MARK2: variants seen among roughly 807,000 people sequenced by gnomAD.
MARK2 encodes the protein microtubule affinity regulating kinase 2.
A neutral mutation model predicts 89.8 loss-of-function variants in MARK2; 16 were observed. That is an observed-to-expected ratio of 0.18 (90% CI 0.12 to 0.27). The LOEUF is 0.27. Ranked by LOEUF, MARK2 falls within the 10% of genes least tolerant of loss-of-function variation. MARK2 has a pLI of 1.00. For synonymous variants in MARK2, 382 were observed against 399.5 expected (o/e 0.96, Z 0.52); for missense variants, 621 against 1,049.9 (o/e 0.59, Z 5.65).
intron 1 of MARK2, among the ~76,000 whole-genome samples, chr11:63,865,532 T>C (rs1938081506): frequency 6.6e-6 from 1 of 152,190 alleles, no homozygotes; most frequent in African/African-American, 2.4e-5. Context: ...TGCTATTCAC[T>C]CAGGTGTTCT....
intron 1 of MARK2, among the ~76,000 whole-genome samples, chr11:63,891,837 A>C (rs968939658): frequency 6.6e-5 from 10 of 152,202 alleles, no homozygotes; most frequent in Admixed American, 4.6e-4. Context: ...AGAAAAAGGT[A>C]GCCTGAGGAG....
At chr11:63,877,558 G>A (rs938077315) in intron 1 of MARK2, among the ~76,000 whole-genome samples, 41 of 152,016 alleles carry the variant, frequency 2.7e-4, no homozygotes, top group African/African-American at 8.9e-4. Context: ...AATTAGTTGG[G>A]CATGGTGGTG....
intron 1 of MARK2, among the ~76,000 whole-genome samples, chr11:63,847,781 G>A (rs2016355794): frequency 6.6e-6 from 1 of 151,806 alleles, no homozygotes; most frequent in Non-Finnish European, 1.5e-5. Flanking sequence ...CTCCTTTTTT[G>A]GACTCCCTTC....
chr11:63,907,030 C>A (rs1414523410), intron 17 of MARK2, among the ~76,000 whole-genome samples: 1 of 152,134 alleles, frequency 6.6e-6, no homozygotes, highest in East Asian at 1.9e-4. Context: ...AGTCCCCTTC[C>A]TGGCTCTTTC....
chr11:63,860,937 G>T (rs947157351), intron 1 of MARK2, among the ~76,000 whole-genome samples: 1 of 151,856 alleles, frequency 6.6e-6, no homozygotes, highest in Non-Finnish European at 1.5e-5. Context: ...TTTTAAAACT[G>T]TTTAATCAAG....
intron 1 of MARK2, among the ~76,000 whole-genome samples, chr11:63,850,315 A>ATTTTTTTTTTTTT (rs34074167): frequency 2.9e-3 from 276 of 95,760 alleles, no homozygotes; most frequent in Middle Eastern, 0.015. Flanking sequence ...TACCTGGCTA[A>ATTTTTTTTTTTTT]TTTTTTTTTT....
chr11:63,843,505 A>C (rs911409646), intron 1 of MARK2, among the ~76,000 whole-genome samples: 5 of 152,250 alleles, frequency 3.3e-5, no homozygotes, highest in Admixed American at 2.6e-4. Flanking sequence ...TAGGAAGGGG[A>C]GTTTAGAAGT....
At position 63,908,342 on chromosome 11, in the gene MARK2, C is replaced by T. The variant is rs1432418447; in HGVS notation, c.2006+38C>T. On this transcript the variant is annotated intron_variant, in intron 18 of 18. Coordinates refer to ENST00000402010, the MANE Select transcript of MARK2 (RefSeq NM_001039469.3). ...GAGCCAGCACTGGCCCTGCCCGGGC[C>T]ACCGGGCTTGCCACAGCCTCCTGCT... The T allele has an allele frequency of 5.9e-6, 9 of 1,527,534 alleles. No homozygotes were observed. The South Asian group carries it at 8.4e-5, about 14-fold the overall frequency. 94.6% of individuals were successfully genotyped at this position (1,527,534 alleles called of 1,614,324 possible).
intron 1 of MARK2, among the ~76,000 whole-genome samples, chr11:63,854,377 TG>T (rs1248300671): frequency 6.7e-6 from 1 of 148,448 alleles, no homozygotes; most frequent in Admixed American, 6.7e-5. Flanking sequence ...TTTTTCTATT[TG>T]TTTTTTTTTT....
intron 3 of MARK2, among the ~76,000 whole-genome samples, chr11:63,897,385 C>T (rs1306731640): frequency 5.9e-5 from 9 of 152,152 alleles, no homozygotes; most frequent in Non-Finnish European, 1.2e-4. Flanking sequence ...TCTTCTTTTC[C>T]TTTCTAGCTT....
intron 1 of MARK2, among the ~76,000 whole-genome samples, chr11:63,860,861 GAAAAAA>G (rs770957452): frequency 1.4e-5 from 2 of 141,846 alleles, no homozygotes; most frequent in Admixed American, 7.0e-5. Context: ...CCATCTCAAT[GAAAAAA>G]AAAAACAAAA....
At chr11:63,847,143 GTCCCTGTGGTGGTTCTTTC>G (rs2135200015) in intron 1 of MARK2, among the ~76,000 whole-genome samples, 1 of 152,308 alleles carries the variant, frequency 6.6e-6, no homozygotes, top group East Asian at 1.9e-4. Flanking sequence ...AGGTTTGTCA[GTCCCTGTGGTGGTTCTTTC>G]CGCAGATGTC....
rs1941606121 is a variant in MARK2 at position 63,909,397 on chromosome 11, G to GT, written c.*161dup. On this transcript the variant is annotated 3_prime_UTR_variant, in exon 19 of 19. Coordinates refer to ENST00000402010, the MANE Select transcript of MARK2 (RefSeq NM_001039469.3). The stretch of plus-strand genomic sequence containing the variant: ...CTTCTCAGTTTTCTCTTACATGTTT[G>GT]TGGGGGGTGGGAGATTGTTCTCCAG... The GT allele has an allele frequency of 1.4e-6, 1 of 708,226 alleles. No individual in the cohort carries two copies. The highest frequency in any genetic ancestry group is 2.2e-6 in the Non-Finnish European group (1 of 459,270). 43.9% of individuals were successfully genotyped at this position (708,226 alleles called of 1,614,324 possible). A position where few individuals can be genotyped will look rare whatever the true frequency, so the allele number is the denominator to read the frequency against.
chr11:63,864,746 C>T (rs577962040), intron 1 of MARK2, among the ~76,000 whole-genome samples: 1 of 150,916 alleles, frequency 6.6e-6, no homozygotes, highest in Non-Finnish European at 1.5e-5. Context: ...GTCGGTGGCT[C>T]ACAGCTGTAT....
Position 63,895,211 on chromosome 11 carries a change from G to A in MARK2, c.107G>A (p.Arg36Gln), listed in dbSNP as rs779959531. 5 of 1,614,098 alleles carry A rather than the reference G, an allele frequency of 3.1e-6. No individual in the cohort carries two copies. In the South Asian group the frequency reaches 3.3e-5, roughly 11 times the overall value. The change falls in exon 2 of 19, where the codon CGG becomes CAG. Residue 36 changes from arginine (R) to glutamine (Q), a missense_variant. Coordinates refer to ENST00000402010, the MANE Select transcript of MARK2 (RefSeq NM_001039469.3). ...SKPSSKSNMI[R>Q]GRNSATSADE... is the part of the protein sequence containing the mutation. ...CCCAGCAGTAAGTCCAACATGATTC[G>A]GGGCCGCAACTCAGCCACCTCTGCT...
At position 63,905,023 on chromosome 11, in the gene MARK2, C is replaced by A. The variant is rs768588454; in HGVS notation, c.1914C>A (p.Phe638Leu). The change falls in exon 16 of 19, where the codon TTC (phenylalanine) becomes TTA (leucine). Residue 638 changes from phenylalanine (F) to leucine (L), a missense_variant. By Grantham distance (22) the Phe-to-Leu change is conservative (BLOSUM62 0). Transcript: ENST00000402010. Reference protein sequence around the residue: ...RGASGSIFSKFTSKFVRRNLS... With the variant: ...RGASGSIFSKLTSKFVRRNLS... ...CCTCTGGGAGCATCTTCAGCAAGTT[C>A]ACCTCCAAGTTTGTACGCAGGTAAG... 34 of 1,611,646 alleles carry A rather than the reference C, an allele frequency of 2.1e-5. 1 individual carries two copies. The South Asian group carries it at 3.5e-4, about 17-fold the overall frequency.
chr11:63,869,116 T>C (rs1163039448), intron 1 of MARK2, among the ~76,000 whole-genome samples: 1 of 152,140 alleles, frequency 6.6e-6, no homozygotes, highest in South Asian at 2.1e-4. Context: ...AATCTCCTTT[T>C]ATTGAACTGG....
In MARK2 at chr11:63,900,219, T is replaced by G; in HGVS notation, c.768+109T>G. On this transcript the variant is annotated intron_variant, in intron 8 of 18. Transcript: ENST00000402010. This position sits in a 1 kb window ranked among gnomAD's most constrained non-coding sequence, Gnocchi z 4.7. ...GTCTACATTTGTCCCAAGCCAAAGC[T>G]TCAGAGAAGGGCTTGCTGAGGTAGC... The G allele has an allele frequency of 1.2e-6, 1 of 853,716 alleles. No homozygotes were observed. The highest frequency in any genetic ancestry group is 1.7e-5 in the African/African-American group (1 of 59,524). 52.9% of individuals were successfully genotyped at this position (853,716 alleles called of 1,614,324 possible). A position where few individuals can be genotyped will look rare whatever the true frequency, so the allele number is the denominator to read the frequency against.
At chr11:63,880,251 C>T (rs551777378) in intron 1 of MARK2, 5 of 151,658 alleles carry the variant, frequency 3.3e-5, no homozygotes, top group African/African-American at 1.2e-4. Context: ...AGCTCCCCAG[C>T]TGCCGTTTTT....
Sources: gnomAD v4.1 joint callset for allele counts (sites outside exome capture counted in the v4.1 genomes callset) on GRCh38, gnomAD v4.1.1 for gene constraint, Gnocchi (gnomAD v3.1) non-coding constraint, MANE v1.5 for transcripts, NCBI Gene and HGNC (gene_info 2026-07-23, HGNC 2026-07-21) for gene names.